The following GABRA2 variants were observed in gnomAD, a reference collection of about 807,000 sequenced individuals.
The protein encoded by GABRA2 is gamma-aminobutyric acid type A receptor subunit alpha2.
Under a neutral mutation model 48.7 loss-of-function variants are expected in GABRA2, and 16 were observed. That is an observed-to-expected ratio of 0.33 (90% confidence interval 0.22 to 0.50). The LOEUF is 0.50. Among genes scored for constraint, GABRA2 ranks in the 20% least tolerant of loss-of-function variants. The pLI is 0.98. For synonymous variants in GABRA2, 185 were observed against 184.5 expected (o/e 1.00, Z -0.02); for missense variants, 275 against 535.6 (o/e 0.51, Z 4.80).
At chr4:46,256,262 A>C in intron 9 of GABRA2, 1 of 696,820 alleles carries the variant, frequency 1.4e-6, no homozygotes, top group Non-Finnish European at 2.6e-6. Flanking sequence ...TTCTTGGAAT[A>C]AACTGGGCCA....
chr4:46,293,431 TGGA>T lies in GABRA2; in HGVS notation c.856+10026_856+10028del, dbSNP rs1456035509. 1.6e-4 allele frequency among the ~76,000 whole-genome samples: 25 copies of T among 152,296 alleles called. No individual in the cohort carries two copies. In the East Asian group the frequency reaches 4.7e-3, roughly 28 times the overall value. ...AATAATCAGACATTTCAGGGACTAC[TGGA>T]CACTGGCTCTGAGTTGACGTTGATT... is the stretch of plus-strand genomic sequence containing the variant. On this transcript the variant is annotated intron_variant, in intron 8 of 9. Transcript: ENST00000381620.
intron 3 of GABRA2, among the ~76,000 whole-genome samples, chr4:46,357,818 G>A (rs1398200379): frequency 2.0e-5 from 3 of 151,186 alleles, no homozygotes; most frequent in Admixed American, 6.6e-5. Context: ...ATTCCACCAC[G>A]CCCACCTAAT....
At chr4:46,320,810 G>T (rs1729323368) in intron 4 of GABRA2, among the ~76,000 whole-genome samples, 1 of 151,716 alleles carries the variant, frequency 6.6e-6, no homozygotes, top group Admixed American at 6.6e-5. Context: ...GATGTAAATT[G>T]GTGTATCCAT....
At chr4:46,274,584 T>C (rs1444144727) in intron 8 of GABRA2, among the ~76,000 whole-genome samples, 4 of 152,052 alleles carry the variant, frequency 2.6e-5, no homozygotes, top group Non-Finnish European at 5.9e-5. Context: ...TTTGCTAAAC[T>C]GCAGACGCTT....
Position 46,315,944 on chromosome 4 carries a change from C to T in GABRA2, c.256-3228G>A, listed in dbSNP as rs73812845. ...TACTTTCACATTTAGTACATATATA[C>T]ACACACACACACACACACACATATA... On this transcript the variant is annotated intron_variant, in intron 4 of 9. Coordinates refer to ENST00000381620, the MANE Select transcript of GABRA2 (RefSeq NM_000807.4). Among the ~76,000 whole-genome samples the T allele has an allele frequency of 5.2e-3, 657 of 126,462 alleles. 9 individuals are homozygous for T. Among genetic ancestry groups the T allele is most frequent in the African/African-American group, 0.027 (609 of 22,400 alleles). 83.0% of individuals were successfully genotyped at this position (126,462 alleles called of 152,430 possible).
At chr4:46,304,572 C>T (rs2109634537) in intron 7 of GABRA2, among the ~76,000 whole-genome samples, 1 of 151,984 alleles carries the variant, frequency 6.6e-6, no homozygotes, top group East Asian at 1.9e-4. Context: ...TAATTATCAA[C>T]ATCAAAAGTT....
At chr4:46,315,913 T>C (rs939494255) in intron 4 of GABRA2, among the ~76,000 whole-genome samples, 1 of 149,240 alleles carries the variant, frequency 6.7e-6, no homozygotes, top group Non-Finnish European at 1.5e-5. Context: ...ACCCTTCCCA[T>C]ACATGTACTT....
chr4:46,371,228 A>G (rs1714841732), intron 3 of GABRA2, among the ~76,000 whole-genome samples: 1 of 152,170 alleles, frequency 6.6e-6, no homozygotes, highest in Non-Finnish European at 1.5e-5. Context: ...GTCTTTGTCA[A>G]GCTCTGATAC....
Position 46,248,342 on chromosome 4 carries a change from A to G in GABRA2, c.*1966T>C, listed in dbSNP as rs1180311556. 2.0e-5 allele frequency: 3 copies of G among 151,444 alleles called. No individual in the cohort carries two copies. In the Admixed American group the frequency reaches 2.0e-4, roughly 10 times the overall value. 9.4% of individuals were successfully genotyped at this position (151,444 alleles called of 1,614,324 possible). ...GAAGAGCTATGCTATATTTAAATGT[A>G]TAAGAAAATAGGATATCTTCTATTT... On this transcript the variant is annotated 3_prime_UTR_variant, in exon 10 of 10. Coordinates refer to ENST00000381620, the MANE Select transcript of GABRA2 (RefSeq NM_000807.4).
intron 8 of GABRA2, among the ~76,000 whole-genome samples, chr4:46,270,343 C>T (rs566050169): frequency 1.8e-4 from 27 of 152,050 alleles, no homozygotes; most frequent in East Asian, 1.9e-4. Context: ...ACTGCTTTGG[C>T]GTAGCCTGGT....
chr4:46,271,701 A>G (rs1719367555), intron 8 of GABRA2, among the ~76,000 whole-genome samples: 1 of 151,982 alleles, frequency 6.6e-6, no homozygotes, highest in Admixed American at 6.6e-5. Flanking sequence ...GGCTAATAAT[A>G]ATGTGGACAA....
intron 2 of GABRA2, chr4:46,386,944 G>A (rs1717541852): frequency 6.6e-6 from 1 of 152,174 alleles, no homozygotes; most frequent in Non-Finnish European, 1.5e-5. Flanking sequence ...TTTGTAGAAA[G>A]AACAAATGGT....
At chr4:46,378,991 A>C (rs1471452121) in intron 3 of GABRA2, among the ~76,000 whole-genome samples, 1 of 152,136 alleles carries the variant, frequency 6.6e-6, no homozygotes, top group Admixed American at 6.6e-5. Context: ...AAACAATCAC[A>C]AGCTATATAT....
chr4:46,379,982 T>C (rs985442920), intron 3 of GABRA2, among the ~76,000 whole-genome samples: 1 of 152,142 alleles, frequency 6.6e-6, no homozygotes, highest in African/African-American at 2.4e-5. Flanking sequence ...CCACCACCCA[T>C]AATCATAAAG....
intron 8 of GABRA2, among the ~76,000 whole-genome samples, chr4:46,290,765 C>A (rs1723473028): frequency 6.6e-6 from 1 of 152,006 alleles, no homozygotes; most frequent in Non-Finnish European, 1.5e-5. Flanking sequence ...AGAGAAGTGA[C>A]CTTTCAGAAA....
rs116599957 is a variant in GABRA2 at position 46,258,083 on chromosome 4, C to T, written c.1059+3843G>A. The stretch of plus-strand genomic sequence containing the variant: ...TCCAGGAATAGGTTAGATATATTAC[C>T]TCGTAAGTTAAAAGGTATGGTGTAT... On this transcript the variant is annotated intron_variant, in intron 9 of 9. Transcript: ENST00000381620. 4.5e-3 allele frequency among the ~76,000 whole-genome samples: 677 copies of T among 151,502 alleles called. 6 individuals carry two copies. The highest frequency in any genetic ancestry group is 0.015 in the African/African-American group (639 of 41,404).
chr4:46,387,893 T>C (rs1198551174), intron 2 of GABRA2, among the ~76,000 whole-genome samples: 3 of 152,126 alleles, frequency 2.0e-5, no homozygotes, highest in African/African-American at 7.2e-5. Context: ...TTGAGAATCA[T>C]ATCCTAAAGG....
At chr4:46,290,198 C>T (rs1390010906) in intron 8 of GABRA2, among the ~76,000 whole-genome samples, 1 of 151,792 alleles carries the variant, frequency 6.6e-6, no homozygotes, top group African/African-American at 2.4e-5. Context: ...GCCACCGCGC[C>T]CGGCCTGAGT....
rs562198884 is a variant in GABRA2, at chr4:46,348,434, C to G, written c.188-15752G>C. Among the ~76,000 whole-genome samples, 23 of 152,060 alleles carry G rather than the reference C, an allele frequency of 1.5e-4. 1 individual carries two copies. The highest frequency in any genetic ancestry group is 1.2e-3 in the Admixed American group (19 of 15,280). On this transcript the variant is annotated intron_variant, in intron 3 of 9. Transcript: ENST00000381620. ...GCCATCCCATTACTGGGCATATAAC[C>G]AAAGGACTATAAATCATGCTGCTAT...
Sources: allele counts gnomAD v4.1 joint callset (sites outside exome capture counted in the v4.1 genomes callset), GRCh38; gene constraint gnomAD v4.1.1; transcripts MANE v1.5; gene names NCBI Gene and HGNC (gene_info 2026-07-23, HGNC 2026-07-21).